The following EDEM2 variants were observed in gnomAD, a reference collection of about 807,000 sequenced individuals.
EDEM2 encodes ER degradation enhancing alpha-mannosidase like protein 2.
Under a neutral mutation model 64.8 loss-of-function variants are expected in EDEM2, and 39 were observed. The observed-to-expected ratio is 0.60, with a 90% CI of 0.47 to 0.79. The LOEUF (loss-of-function observed/expected upper bound fraction) is 0.79, where lower values mean the gene tolerates loss of function less well. EDEM2 is among the 30% of genes least tolerant of loss of function. The probability of loss-of-function intolerance (pLI) is 0.00; values close to 1 mark genes in which losing one functional copy is unlikely to be tolerated. For missense variants in EDEM2, 609 were observed against 731.3 expected, an observed-to-expected ratio of 0.83 and a Z score of 1.93; for synonymous variants, 296 against 291.5, an observed-to-expected ratio of 1.02 and a Z score of -0.16.
chr20:35,144,279 ATACATGTCTG>A (rs1238163587), intron 3 of EDEM2, among the ~76,000 whole-genome samples: 3 of 152,174 alleles, frequency 2.0e-5, no homozygotes, highest in Non-Finnish European at 4.4e-5. Flanking sequence ...AGAAGAATTA[ATACATGTCTG>A]TACTAAGCCC....
chr20:35,119,145 T>C (rs1396019062), intron 9 of EDEM2, among the ~76,000 whole-genome samples: 3 of 152,210 alleles, frequency 2.0e-5, no homozygotes, highest in African/African-American at 4.8e-5. Context: ...GCCCAGAACA[T>C]GAGAGAGAAA....
At position 35,117,569 on chromosome 20, in the gene EDEM2, T is replaced by C. The variant is rs559040343; in HGVS notation, c.1236+1029A>G. On this transcript the variant is annotated intron_variant, in intron 10 of 10. Coordinates refer to ENST00000374492, the MANE Select transcript of EDEM2 (RefSeq NM_018217.3). The stretch of plus-strand genomic sequence containing the variant: ...ATTAGAAACCAAATCATATCAGGGG[T>C]TTATTTTTTCCCTTCCACATGTAGG... Among the ~76,000 whole-genome samples, 5 of 152,154 alleles carry C rather than the reference T, an allele frequency of 3.3e-5. No homozygotes were observed. In the South Asian group the frequency reaches 1.0e-3, roughly 32 times the overall value.
intron 9 of EDEM2, among the ~76,000 whole-genome samples, chr20:35,119,138 C>G (rs2085340448): frequency 6.6e-6 from 1 of 152,166 alleles, no homozygotes; most frequent in South Asian, 2.1e-4. Flanking sequence ...CATATAAGCC[C>G]AGAACATGAG....
chr20:35,134,940 G>T lies in EDEM2; in HGVS notation c.500C>A (p.Thr167Asn), dbSNP rs755732964. 4 of 1,614,000 alleles carry T rather than the reference G, an allele frequency of 2.5e-6. No individual in the cohort carries two copies. Among genetic ancestry groups the T allele is most frequent in the African/African-American group, 1.3e-5 (1 of 75,032 alleles). Residue 167 changes from threonine to asparagine, a missense_variant, in exon 6 of 11, where the codon ACC (threonine) becomes AAC (asparagine). Thr to Asn is a moderately conservative substitution (Grantham distance 65, BLOSUM62 0). Coordinates refer to ENST00000374492, the MANE Select transcript of EDEM2 (RefSeq NM_018217.3). ...TGTTCCATATGGCATGCCAGTGGGG[G>T]TCTGAAAGGCTGAACAATCGACAAA... ...AARKLLPAFQTPTGMPYGTVN... is the reference protein window; with the variant it reads ...AARKLLPAFQNPTGMPYGTVN...
intron 4 of EDEM2, among the ~76,000 whole-genome samples, chr20:35,140,947 C>A (rs1184323549): frequency 1.3e-5 from 2 of 151,782 alleles, no homozygotes; most frequent in Non-Finnish European, 2.9e-5. Context: ...TGGTGAAACC[C>A]CATCTCTACT....
chr20:35,115,812 G>A lies in EDEM2; in HGVS notation c.1358C>T (p.Thr453Ile). The change falls in exon 11 of 11, where the codon ACC (threonine) becomes ATC (isoleucine). Residue 453 changes from threonine (T) to isoleucine (I), a missense_variant. Transcript: ENST00000374492. ...ATAGGGGGTGATCACCGCGTCGAAG[G>A]TGGACCCATTGTTGTGGATGAAGTT... ...PTNFIHNNGS[T>I]FDAVITPYGE... is the part of the protein sequence containing the mutation. The A allele has an allele frequency of 6.2e-7, 1 of 1,614,198 alleles. No individual in the cohort carries two copies. Among genetic ancestry groups the A allele is most frequent in the Non-Finnish European group, 8.5e-7 (1 of 1,180,038 alleles).
chr20:35,125,193 G>A (rs1438861322), intron 8 of EDEM2, among the ~76,000 whole-genome samples: 2 of 132,516 alleles, frequency 1.5e-5, no homozygotes, highest in Non-Finnish European at 3.1e-5. Context: ...ATAGAAACCC[G>A]GTGGCCACTT....
At chr20:35,143,801 C>T (rs1290766666) in intron 3 of EDEM2, among the ~76,000 whole-genome samples, 1 of 152,062 alleles carries the variant, frequency 6.6e-6, no homozygotes, top group African/African-American at 2.4e-5. Flanking sequence ...ATCACAGCCT[C>T]GAACTCTGGG....
At chr20:35,116,064 A>T in intron 10 of EDEM2, 131 bp from the exon 11 acceptor site, 2 of 956,270 alleles carry the variant, frequency 2.1e-6, no homozygotes, top group South Asian at 3.4e-5. Context: ...TGAACTTTTC[A>T]GAACTTCACT....
Position 35,130,289 on chromosome 20 carries a change from T to C in EDEM2, c.844+1353A>G, listed in dbSNP as rs565524573. ...CTCACCATGTTGCCCAGGCTGATCT[T>C]GAACTTCTGGGGTCAAGCAATTCTC... On this transcript the variant is annotated intron_variant, in intron 7 of 10. Coordinates refer to ENST00000374492, the MANE Select transcript of EDEM2 (RefSeq NM_018217.3). Among the ~76,000 whole-genome samples, 12 of 152,108 alleles carry C rather than the reference T, an allele frequency of 7.9e-5. No homozygotes were observed. The East Asian group carries it at 2.1e-3, about 27-fold the overall frequency.
chr20:35,143,045 C>T lies in EDEM2; in HGVS notation c.259-567G>A, dbSNP rs111889236. Among the ~76,000 whole-genome samples the T allele has an allele frequency of 9.7e-3, 1,484 of 152,206 alleles. 18 individuals are homozygous for T. The highest frequency in any genetic ancestry group is 0.032 in the African/African-American group (1,333 of 41,518). ...TGCTGGGATTACAGGTGTGAGCGAC[C>T]GCACCTGGCCAAAAGTCTTAGTTTG... On this transcript the variant is annotated intron_variant, in intron 3 of 10. Coordinates refer to ENST00000374492, the MANE Select transcript of EDEM2 (RefSeq NM_018217.3).
chr20:35,141,240 T>C (rs1023712785), intron 4 of EDEM2, among the ~76,000 whole-genome samples: 6 of 151,404 alleles, frequency 4.0e-5, no homozygotes, highest in East Asian at 3.9e-4. Flanking sequence ...CAGTTAAAGA[T>C]TGTCAGAATG....
chr20:35,139,015 T>C (rs1255904093), intron 4 of EDEM2, among the ~76,000 whole-genome samples: 2 of 152,062 alleles, frequency 1.3e-5, no homozygotes, highest in Non-Finnish European at 2.9e-5. Context: ...AGAGGGGGAA[T>C]AGGAGACCAA....
intron 1 of EDEM2, 83 bp downstream of exon 1, chr20:35,147,069 C>CG: frequency 6.5e-7 from 1 of 1,547,218 alleles, no homozygotes; most frequent in South Asian, 1.2e-5. Flanking sequence ...CGGAGCAAGT[C>CG]GGGGTCTGGG....
In EDEM2 at chr20:35,141,477, G is replaced by A. The variant is rs115533211; in HGVS notation, c.364+896C>T. Among the ~76,000 whole-genome samples the A allele has an allele frequency of 6.9e-3, 1,044 of 152,234 alleles. 12 individuals are homozygous for A. The highest frequency in any genetic ancestry group is 0.024 in the African/African-American group (986 of 41,526). On this transcript the variant is annotated intron_variant, in intron 4 of 10. Transcript: ENST00000374492. Reference sequence around the variant, plus strand: ...GCAGCAAGTACAGCCTCAAACTCAGGCCGGATTCCTAAACCAGGATTTTAG... The same window carrying A: ...GCAGCAAGTACAGCCTCAAACTCAGACCGGATTCCTAAACCAGGATTTTAG...
chr20:35,118,775 G>T, intron 9 of EDEM2, 56 bp from the exon 10 acceptor site: 2 of 1,599,504 alleles, frequency 1.3e-6, no homozygotes, highest in South Asian at 1.1e-5. Flanking sequence ...GATGGCCTGG[G>T]GCCTCTTAGG....
At chr20:35,124,160 G>C in intron 8 of EDEM2, 126 bp from the exon 9 acceptor site, 1 of 1,199,022 alleles carries the variant, frequency 8.3e-7, no homozygotes, top group Admixed American at 2.4e-5. Flanking sequence ...GAGTCTGCCA[G>C]TTACTCAGTG....
chr20:35,121,730 G>A (rs977040876), intron 9 of EDEM2, among the ~76,000 whole-genome samples: 2 of 152,066 alleles, frequency 1.3e-5, no homozygotes, highest in African/African-American at 4.8e-5. Flanking sequence ...TCTCCTATTT[G>A]CCATTGTTTT....
In EDEM2 at chr20:35,115,376, A is replaced by G; in HGVS notation, c.*57T>C. ...ATGATAACCAAAATATGATAGCCAAAAGCAATTTATTATAGTTTAGCCTCA... is the reference window on the plus strand; with the variant it reads ...ATGATAACCAAAATATGATAGCCAAGAGCAATTTATTATAGTTTAGCCTCA... On this transcript the variant is annotated 3_prime_UTR_variant, in exon 11 of 11. Transcript: ENST00000374492. The G allele has an allele frequency of 6.5e-7, 1 of 1,540,462 alleles. No individual in the cohort carries two copies. Among genetic ancestry groups the G allele is most frequent in the Non-Finnish European group, 8.7e-7 (1 of 1,146,728 alleles).
Sources: gnomAD v4.1 joint callset for allele counts (sites outside exome capture counted in the v4.1 genomes callset) on GRCh38, gnomAD v4.1.1 for gene constraint, MANE v1.5 for transcripts, NCBI Gene and HGNC (gene_info 2026-07-23, HGNC 2026-07-21) for gene names.